UGT1A6: variants seen among roughly 807,000 people sequenced by gnomAD.
UGT1A6 encodes UDP-glucuronosyltransferase 1A6.
A neutral mutation model predicts 44.4 loss-of-function variants in UGT1A6; 32 were observed. That is an observed-to-expected ratio of 0.72 (90% confidence interval 0.54 to 0.97). The LOEUF (loss-of-function observed/expected upper bound fraction) is 0.97. Ranked by LOEUF, UGT1A6 falls within the 50% of genes least tolerant of loss-of-function variation. The pLI is 0.00. For missense variants in UGT1A6, 685 were observed against 661.9 expected, an observed-to-expected ratio of 1.03 and a Z score of -0.38; for synonymous variants, 238 against 248.5, an observed-to-expected ratio of 0.96 and a Z score of 0.40.
At chr2:233,748,014 C>A in intron 1 of UGT1A6, 1 of 1,613,488 alleles carries the variant, frequency 6.2e-7, no homozygotes, top group Non-Finnish European at 8.5e-7. Flanking sequence ...TTACCCCAGG[C>A]CGATCATGCC....
At chr2:233,724,293 C>A (rs1226718888) in intron 1 of UGT1A6, among the ~76,000 whole-genome samples, 7 of 135,018 alleles carry the variant, frequency 5.2e-5, no homozygotes, top group Non-Finnish European at 8.1e-5. Flanking sequence ...GGGGGCTGAC[C>A]CCCCCACCTC....
chr2:233,754,833 T>C (rs1695605452), intron 1 of UGT1A6: 1 of 1,343,184 alleles, frequency 7.4e-7, no homozygotes, highest in African/African-American at 1.5e-5. Context: ...AGCTGGAAAT[T>C]CACTGAAGGC....
chr2:233,719,731 A>G (rs906516699), intron 1 of UGT1A6: 3 of 1,613,372 alleles, frequency 1.9e-6, no homozygotes, highest in African/African-American at 2.7e-5. Flanking sequence ...CAGGCAAAAC[A>G]CTTTTTAAAA....
chr2:233,768,052 A>T, intron 3 of UGT1A6, 116 bp downstream of exon 3: 1 of 1,605,578 alleles, frequency 6.2e-7, no homozygotes, highest in South Asian at 1.1e-5. Context: ...AACATATCCT[A>T]CATTGCTTTT....
chr2:233,771,260 CT>C (rs891018282), intron 4 of UGT1A6: 2 of 151,568 alleles, frequency 1.3e-5, no homozygotes, highest in Non-Finnish European at 1.5e-5. Context: ...ATAGGAGTGC[CT>C]TTTTTTTTCT....
chr2:233,762,963 G>A (rs1465614269), intron 1 of UGT1A6, among the ~76,000 whole-genome samples: 1 of 152,144 alleles, frequency 6.6e-6, no homozygotes, highest in East Asian at 1.9e-4. Flanking sequence ...TAGGAAAGAT[G>A]CCCGTCTTGC....
At chr2:233,716,681 T>C (rs991424130) in intron 1 of UGT1A6, among the ~76,000 whole-genome samples, 4 of 152,224 alleles carry the variant, frequency 2.6e-5, no homozygotes, top group African/African-American at 9.6e-5. Context: ...CCCCAAGATA[T>C]AGTTTCTACA....
chr2:233,724,335 G>T (rs2077226383), intron 1 of UGT1A6, among the ~76,000 whole-genome samples: 1 of 147,968 alleles, frequency 6.8e-6, no homozygotes, highest in Admixed American at 6.7e-5. Flanking sequence ...CCAGGCGGGG[G>T]GCTGACCCCC....
intron 1 of UGT1A6, chr2:233,713,304 C>T (rs200200998): frequency 6.2e-7 from 1 of 1,614,230 alleles, no homozygotes; most frequent in Non-Finnish European, 8.5e-7. Context: ...TGAAACAGAA[C>T]ATCTTCTGAT....
intron 1 of UGT1A6, among the ~76,000 whole-genome samples, chr2:233,727,126 AG>A (rs2077585315): frequency 1.3e-5 from 2 of 152,202 alleles, no homozygotes; most frequent in Non-Finnish European, 2.9e-5. Flanking sequence ...AGATTGGCAG[AG>A]GGGAACAAGA....
Position 233,743,192 on chromosome 2 carries a change from T to C in UGT1A6, c.862-23842T>C, listed in dbSNP as rs560095677. ...AAAGTCAAATGTGGACTGGAATTAC[T>C]TGGTGTCAATGCGGAGTAACTGCTC... On this transcript the variant is annotated intron_variant, in intron 1 of 4. Coordinates refer to ENST00000305139, the MANE Select transcript of UGT1A6 (RefSeq NM_001072.4). The C allele has an allele frequency of 2.2e-3, 846 of 376,748 alleles. 20 individuals carry two copies. The highest frequency in any genetic ancestry group is 0.016 in the South Asian group (827 of 50,812). 23.3% of individuals were successfully genotyped at this position (376,748 alleles called of 1,614,324 possible). A position where few individuals can be genotyped will look rare whatever the true frequency, so the allele number is the denominator to read the frequency against.
At chr2:233,716,025 T>C (rs1312533975) in intron 1 of UGT1A6, among the ~76,000 whole-genome samples, 1 of 152,226 alleles carries the variant, frequency 6.6e-6, no homozygotes, top group African/African-American at 2.4e-5. Flanking sequence ...ATAGTTTCTT[T>C]TGATGTCAGC....
rs533404227 is a variant in UGT1A6, at chr2:233,760,412, G to A, written c.862-6622G>A. 5.0e-6 allele frequency: 8 copies of A among 1,614,222 alleles called. No homozygotes were observed. The African/African-American group carries it at 1.1e-4, about 22-fold the overall frequency. Reference sequence around the variant, plus strand: ...CCAGTGGATGGCAGCCACTGGCTGAGCATGCTTGGGGCCATCCAGCAGCTG... The same window carrying A: ...CCAGTGGATGGCAGCCACTGGCTGAACATGCTTGGGGCCATCCAGCAGCTG... On this transcript the variant is annotated intron_variant, in intron 1 of 4. Transcript: ENST00000305139.
intron 1 of UGT1A6, chr2:233,743,409 A>G: frequency 7.6e-7 from 1 of 1,312,950 alleles, no homozygotes; most frequent in Non-Finnish European, 1.0e-6. Context: ...AAAGGCCCCC[A>G]CTTCCCAGGG....
chr2:233,766,902 T>C, intron 1 of UGT1A6, 132 bp from the exon 2 acceptor site: 1 of 1,493,390 alleles, frequency 6.7e-7, no homozygotes, highest in Non-Finnish European at 8.9e-7. Flanking sequence ...ATTAATAATT[T>C]TTTACTCTAT....
At chr2:233,725,264 GGAGGCAGAGGCAGAGGCA>G (rs551912265) in intron 1 of UGT1A6, among the ~76,000 whole-genome samples, 25,828 of 58,216 alleles carry the variant, frequency 0.44, 8,681 homozygotes, top group East Asian at 0.63. Context: ...CAGAGGCAGA[GGAGGCAGAGGCAGAGGCA>G]GAGGCAGAGG....
At chr2:233,730,107 G>A (rs2077985691) in intron 1 of UGT1A6, 1 of 1,570,754 alleles carries the variant, frequency 6.4e-7, no homozygotes, top group Non-Finnish European at 8.6e-7. Flanking sequence ...TTTCATTTCT[G>A]CTTCTCCTTG....
At chr2:233,768,171 T>C (rs761240010) in intron 3 of UGT1A6, 49 bp from the exon 4 acceptor site, 11 of 1,613,794 alleles carry the variant, frequency 6.8e-6, no homozygotes, top group South Asian at 1.1e-5. Flanking sequence ...TGTCCAGCTG[T>C]GAAACTCAGA....
Position 233,693,020 on chromosome 2 carries a change from C to T in UGT1A6, c.16C>T (p.Arg6Cys), listed in dbSNP as rs546429827. 196 of 1,614,146 alleles carry T rather than the reference C, an allele frequency of 1.2e-4. No homozygotes were observed. The highest frequency in any genetic ancestry group is 6.3e-4 in the Admixed American group (38 of 60,026). ...TCTTTCCAGGATGGCCTGCCTCCTTCGCTCATTTCAGAGAATTTCTGCAGG... is the reference window on the plus strand; with the variant it reads ...TCTTTCCAGGATGGCCTGCCTCCTTTGCTCATTTCAGAGAATTTCTGCAGG... MACLL[R>C]SFQRISAGVF... The change falls in exon 1 of 5, where the codon CGC becomes TGC. Residue 6 changes from arginine to cysteine, a missense_variant. Arg to Cys is a radical substitution (Grantham distance 180). Transcript: ENST00000305139.
Sources: allele counts gnomAD v4.1 joint callset (sites outside exome capture counted in the v4.1 genomes callset), GRCh38; gene constraint gnomAD v4.1.1; transcripts MANE v1.5; gene names NCBI Gene and HGNC (gene_info 2026-07-23, HGNC 2026-07-21).